WASHC3: variants seen among roughly 807,000 people sequenced by gnomAD.
WASHC3 encodes WASH complex subunit 3, also known as WASH complex subunit CCDC53.
Under a neutral mutation model 26.1 loss-of-function variants are expected in WASHC3, and 24 were observed. The ratio of observed to expected loss-of-function variants is 0.92; its 90% CI spans 0.66 to 1.29. The LOEUF (loss-of-function observed/expected upper bound fraction) is 1.29. Ranked by LOEUF, WASHC3 falls within the 50% of genes most tolerant of loss-of-function variation. WASHC3 has a pLI of 0.00. For missense variants in WASHC3, 214 were observed against 229.6 expected, an observed-to-expected ratio of 0.93 and a Z score of 0.44; for synonymous variants, 77 against 75.7, an observed-to-expected ratio of 1.02 and a Z score of -0.09.
rs551277447 is a variant in WASHC3 at position 102,055,334 on chromosome 12, CT to C, written c.150+5913del. Among the ~76,000 whole-genome samples, 30 of 152,180 alleles carry C rather than the reference CT, an allele frequency of 2.0e-4. No homozygotes were observed. In the South Asian group the frequency reaches 5.8e-3, roughly 29 times the overall value. On this transcript the variant is annotated intron_variant, in intron 2 of 6. Coordinates refer to ENST00000240079, the MANE Select transcript of WASHC3 (RefSeq NM_016053.4). ...TGTGTGTTTGAAAGAATCAGCGAAG[CT>C]TTTCTTTTTTCTTTTGTTTTGTTTT...
Position 102,060,880 on chromosome 12 carries a change from G to A in WASHC3, c.150+368C>T, listed in dbSNP as rs1208386557. 5.3e-5 allele frequency among the ~76,000 whole-genome samples: 8 copies of A among 150,146 alleles called. No homozygotes were observed. In the Middle Eastern group the frequency reaches 0.017, roughly 319 times the overall value. On this transcript the variant is annotated intron_variant, in intron 2 of 6. Transcript: ENST00000240079. ...TGAGGCAGGAGAATCGCTTGAACCC[G>A]GGAGGTGGAGGTTGCAGTGAGCCGA...
At chr12:102,041,283 G>A (rs956022349) in intron 4 of WASHC3, among the ~76,000 whole-genome samples, 1 of 151,734 alleles carries the variant, frequency 6.6e-6, no homozygotes. Context: ...CTACATCCTG[G>A]CCAGATATCA....
At chr12:102,053,230 C>T (rs936443072) in intron 2 of WASHC3, among the ~76,000 whole-genome samples, 18 of 152,088 alleles carry the variant, frequency 1.2e-4, no homozygotes, top group African/African-American at 3.6e-4. Flanking sequence ...TCAAGGCTCA[C>T]CCCAGTGCCA....
intron 6 of WASHC3, among the ~76,000 whole-genome samples, chr12:102,014,030 G>C (rs1218972193): frequency 6.6e-6 from 1 of 150,730 alleles, no homozygotes; most frequent in South Asian, 2.1e-4. Flanking sequence ...AGTATTTTTG[G>C]GGGGGAAACC....
intron 2 of WASHC3, among the ~76,000 whole-genome samples, chr12:102,056,471 CTA>C (rs919832551): frequency 7.9e-5 from 12 of 152,120 alleles, no homozygotes; most frequent in African/African-American, 2.9e-4. Context: ...TGGAGTGATT[CTA>C]TATCTTGTTC....
Position 102,021,456 on chromosome 12 carries a change from C to A in WASHC3, c.500+4518G>T, listed in dbSNP as rs143456174. Among the ~76,000 whole-genome samples, 1,277 of 152,346 alleles carry A rather than the reference C, an allele frequency of 8.4e-3. 5 individuals carry two copies. The highest frequency in any genetic ancestry group is 0.037 in the Middle Eastern group (11 of 294). ...CTTGCTAGCCACTCACAGACCACAA[C>A]TGCTTTTTAACATCTCCTCTTTGAT... On this transcript the variant is annotated intron_variant, in intron 6 of 6. Transcript: ENST00000240079.
intron 2 of WASHC3, among the ~76,000 whole-genome samples, chr12:102,055,544 C>T (rs1012743192): frequency 1.3e-5 from 2 of 152,172 alleles, no homozygotes; most frequent in Admixed American, 1.3e-4. Context: ...CAGCATTCCA[C>T]CATGTTGGCC....
chr12:102,039,837 T>C (rs769080392), intron 5 of WASHC3, 31 bp downstream of exon 5: 1 of 1,038,496 alleles, frequency 9.6e-7, no homozygotes, highest in African/African-American at 1.6e-5. Flanking sequence ...GTGAGGCTGC[T>C]ACACAAAGAA....
At chr12:102,032,631 G>A (rs1183767479) in intron 5 of WASHC3, among the ~76,000 whole-genome samples, 1 of 152,106 alleles carries the variant, frequency 6.6e-6, no homozygotes, top group Non-Finnish European at 1.5e-5. Context: ...GGTGTTCCAG[G>A]AACATTCATT....
intron 5 of WASHC3, among the ~76,000 whole-genome samples, chr12:102,034,480 G>A (rs1346507061): frequency 6.6e-6 from 1 of 152,136 alleles, no homozygotes; most frequent in Non-Finnish European, 1.5e-5. Context: ...AACACAACTA[G>A]CTATGCAGAT....
intron 6 of WASHC3, chr12:102,017,789 T>A (rs1034470086): frequency 2.3e-6 from 1 of 438,016 alleles, no homozygotes; most frequent in Non-Finnish European, 4.5e-6. Flanking sequence ...CTTCATTTTT[T>A]TCTTTTTTTA....
intron 2 of WASHC3, among the ~76,000 whole-genome samples, chr12:102,060,956 C>CA (rs56001519): frequency 0.025 from 1,387 of 55,582 alleles, 119 homozygotes; most frequent in African/African-American, 0.038. Context: ...CCCTGTCTCA[C>CA]AAAAAAAAAA....
At chr12:102,043,311 CT>C (rs1451784826) in intron 4 of WASHC3, among the ~76,000 whole-genome samples, 1 of 152,112 alleles carries the variant, frequency 6.6e-6, no homozygotes, top group Non-Finnish European at 1.5e-5. Context: ...GCGCTGTCAC[CT>C]AGGCTGGAGT....
At chr12:102,015,635 T>C (rs1186505197) in intron 6 of WASHC3, among the ~76,000 whole-genome samples, 2 of 152,250 alleles carry the variant, frequency 1.3e-5, no homozygotes, top group East Asian at 3.8e-4. Flanking sequence ...TTCATCATCA[T>C]GCATCTACTA....
At chr12:102,019,390 G>T in intron 6 of WASHC3, 1 of 381,290 alleles carries the variant, frequency 2.6e-6, no homozygotes, top group Non-Finnish European at 5.2e-6. Flanking sequence ...TGTTTTTCAT[G>T]GAAAGAAATT....
At chr12:102,042,679 T>G (rs1877988443) in intron 4 of WASHC3, among the ~76,000 whole-genome samples, 1 of 152,242 alleles carries the variant, frequency 6.6e-6, no homozygotes, top group Non-Finnish European at 1.5e-5. Flanking sequence ...GTGCATGCCT[T>G]GGTACACAGA....
intron 6 of WASHC3, among the ~76,000 whole-genome samples, chr12:102,013,517 G>GCTAA (rs1876571433): frequency 6.6e-6 from 1 of 152,184 alleles, no homozygotes; most frequent in South Asian, 2.1e-4. Flanking sequence ...CATGACCAGT[G>GCTAA]CTAAGTCCCT....
At position 102,013,168 on chromosome 12, in the gene WASHC3, A is replaced by G. The variant is rs369322586; in HGVS notation, c.525T>C (p.Asp175=). The change falls in exon 7 of 7, where the codon GAT becomes GAC. Residue 175 remains aspartate (D), a synonymous_variant. Transcript: ENST00000240079. ...LLERPDAPVP[D]GESEKTVEES... is the part of the protein sequence containing the mutation. ...CTTCTACAGTTTTCTCACTTTCGCC[A>G]TCAGGCACTGGAGCATCTGGCCTCC... 72 of 1,547,216 alleles carry G rather than the reference A, an allele frequency of 4.7e-5. No homozygotes were observed. Among genetic ancestry groups the G allele is most frequent in the African/African-American group, 3.5e-4 (26 of 73,300 alleles).
intron 2 of WASHC3, among the ~76,000 whole-genome samples, chr12:102,060,344 T>G (rs1304638962): frequency 6.6e-6 from 1 of 152,176 alleles, no homozygotes; most frequent in Non-Finnish European, 1.5e-5. Flanking sequence ...ACTGAGTTTC[T>G]CTGTTGTCCA....
Sources: gnomAD v4.1 joint callset for allele counts (sites outside exome capture counted in the v4.1 genomes callset) on GRCh38, gnomAD v4.1.1 for gene constraint, MANE v1.5 for transcripts, NCBI Gene and HGNC (gene_info 2026-07-23, HGNC 2026-07-21) for gene names.